AFAP1L2: variants seen among roughly 807,000 people sequenced by gnomAD.
AFAP1L2 encodes the protein actin filament associated protein 1 like 2, also known as actin filament-associated protein 1-like 2.
Under a neutral mutation model 99.3 loss-of-function variants are expected in AFAP1L2, and 46 were observed. The observed-to-expected ratio is 0.46, with a 90% CI of 0.37 to 0.59. The LOEUF (loss-of-function observed/expected upper bound fraction) is 0.59, where lower values mean the gene tolerates loss of function less well. Ranked by LOEUF, AFAP1L2 falls within the 20% of genes least tolerant of loss-of-function variation. The pLI, the probability that AFAP1L2 is intolerant of heterozygous loss-of-function variation, is 0.00. For missense variants in AFAP1L2, 959 were observed against 1,034.9 expected, an observed-to-expected ratio of 0.93 and a Z score of 1.01; for synonymous variants, 397 against 419.1, an observed-to-expected ratio of 0.95 and a Z score of 0.64.
chr10:114,334,460 G>A (rs1045364078), intron 2 of AFAP1L2, among the ~76,000 whole-genome samples: 4 of 152,210 alleles, frequency 2.6e-5, no homozygotes, highest in African/African-American at 7.2e-5. Context: ...AACCTCTGGC[G>A]AAGGAAGCAG....
chr10:114,382,607 T>TTC (rs1243849835), intron 1 of AFAP1L2, among the ~76,000 whole-genome samples: 1 of 149,264 alleles, frequency 6.7e-6, no homozygotes, highest in Non-Finnish European at 1.5e-5. Flanking sequence ...TTTTTTTTTT[T>TTC]TTTGAGACCG....
rs2048698777 is a variant in AFAP1L2, at chr10:114,340,743, A to C, written c.17-12T>G. ...CAGCTGTTCCAGGGCTAGGGACAGG[A>C]AACAGAAGAAACTTATAGTGGCTGC... On this transcript the variant is annotated splice_polypyrimidine_tract_variant and intron_variant, in intron 1 of 18. Coordinates refer to ENST00000304129, the MANE Select transcript of AFAP1L2 (RefSeq NM_001001936.3). 6.2e-7 allele frequency: 1 copy of C among 1,614,028 alleles called. No homozygotes were observed. The highest frequency in any genetic ancestry group is 1.1e-5 in the South Asian group (1 of 91,076).
At chr10:114,290,148 C>G, downstream of AFAP1L2, 1 of 1,491,192 alleles carries the variant, frequency 6.7e-7, no homozygotes, top group South Asian at 1.3e-5. Context: ...ACTCTAGTAG[C>G]CTTGCACCTC....
At chr10:114,356,512 T>A (rs2051412176) in intron 1 of AFAP1L2, among the ~76,000 whole-genome samples, 1 of 152,262 alleles carries the variant, frequency 6.6e-6, no homozygotes, top group Non-Finnish European at 1.5e-5. Context: ...CTTCATCTAT[T>A]TTTCATGTTT....
At chr10:114,341,161 C>A (rs1161277920) in intron 1 of AFAP1L2, among the ~76,000 whole-genome samples, 1 of 152,236 alleles carries the variant, frequency 6.6e-6, no homozygotes, top group Non-Finnish European at 1.5e-5. Context: ...CATCTTGATC[C>A]TCTCCGGGTG....
intron 4 of AFAP1L2, among the ~76,000 whole-genome samples, chr10:114,325,124 C>T (rs2046055712): frequency 6.6e-6 from 1 of 152,208 alleles, no homozygotes; most frequent in South Asian, 2.1e-4. Flanking sequence ...TTCAGGACCT[C>T]ATAGATTTAA....
Position 114,301,403 on chromosome 10 carries a change from C to G in AFAP1L2, c.1493G>C (p.Arg498Pro). 1 of 1,614,228 alleles carries G rather than the reference C, an allele frequency of 6.2e-7. No individual in the cohort carries two copies. Among genetic ancestry groups the G allele is most frequent in the Non-Finnish European group, 8.5e-7 (1 of 1,180,024 alleles). The stretch of plus-strand genomic sequence containing the variant: ...CACGTCGTCATACAGCTCCTCCTGG[C>G]GGTCCTGGCTAGGCAGGCCATCGAT... Reference protein sequence around the residue: ...TYIDGLPSQDRQEELYDDVDL... With the variant: ...TYIDGLPSQDPQEELYDDVDL... The change falls in exon 13 of 19, where the codon CGC becomes CCC. Residue 498 changes from arginine (R) to proline (P), a missense_variant. Around this residue, in one of 2 missense-constraint regions of AFAP1L2, gnomAD observed 576 missense variants for 562.1 expected, o/e 1.02. Coordinates refer to ENST00000304129, the MANE Select transcript of AFAP1L2 (RefSeq NM_001001936.3).
At chr10:114,333,346 G>C in intron 2 of AFAP1L2, 51 bp from the exon 3 acceptor site, 1 of 1,470,116 alleles carries the variant, frequency 6.8e-7, no homozygotes, top group Non-Finnish European at 9.5e-7. Context: ...AAGAGAAAGG[G>C]CCTCCAGCTA....
At chr10:114,348,672 G>C (rs2049979964) in intron 1 of AFAP1L2, among the ~76,000 whole-genome samples, 2 of 152,170 alleles carry the variant, frequency 1.3e-5, no homozygotes, top group East Asian at 3.8e-4. Context: ...GCAATGTGTA[G>C]CCACTCAGAG....
chr10:114,302,478 A>T lies in AFAP1L2; in HGVS notation c.1291T>A (p.Ser431Thr). The T allele has an allele frequency of 1.9e-6, 3 of 1,613,958 alleles. No homozygotes were observed. The highest frequency in any genetic ancestry group is 2.2e-5 in the South Asian group (2 of 91,072). ...AGCCAGTGGCCCATTTCCTCGGAAG[A>T]CTTGGCCTGGAACGAGGCCAAGAGA... ...GEELAKLEAK[S>T]SEEMGHWLGL... The change falls in exon 12 of 19, where the codon TCT becomes ACT. Residue 431 changes from serine (S) to threonine (T), a missense_variant. Transcript: ENST00000304129.
At chr10:114,369,653 G>GAATAA (rs2053843596) in intron 1 of AFAP1L2, among the ~76,000 whole-genome samples, 1 of 148,930 alleles carries the variant, frequency 6.7e-6, no homozygotes, top group Admixed American at 6.7e-5. Flanking sequence ...ACGAAGTAGA[G>GAATAA]AATAATAAAA....
rs1046583885 is a variant in AFAP1L2, at chr10:114,393,020, C to T, written c.16+11420G>A. Among the ~76,000 whole-genome samples, 6 of 152,258 alleles carry T rather than the reference C, an allele frequency of 3.9e-5. No individual in the cohort carries two copies. The East Asian group carries it at 5.8e-4, about 15-fold the overall frequency. ...ATCCCACATCTCCTTTCCCCCAACACGCATGTGCCCCTATCATACCTGATA... is the reference window on the plus strand; with the variant it reads ...ATCCCACATCTCCTTTCCCCCAACATGCATGTGCCCCTATCATACCTGATA... On this transcript the variant is annotated intron_variant, in intron 1 of 18. Transcript: ENST00000304129.
intron 13 of AFAP1L2, 32 bp from the exon 14 acceptor site, chr10:114,300,722 C>T (rs1564787729): frequency 6.4e-7 from 1 of 1,555,110 alleles, no homozygotes; most frequent in Non-Finnish European, 8.7e-7. Context: ...GGGCATTCAA[C>T]ATTACCTCTA....
chr10:114,353,390 G>T lies in AFAP1L2; in HGVS notation c.17-12659C>A, dbSNP rs1195263596. ...GCACCCTATTTGTTTGTTTAAGCCA[G>T]CCTGAATTAGGTTTCTTTTGCTTGC... On this transcript the variant is annotated intron_variant, in intron 1 of 18. Transcript: ENST00000304129. Among the ~76,000 whole-genome samples the T allele has an allele frequency of 2.0e-5, 3 of 152,236 alleles. No homozygotes were observed. The East Asian group carries it at 5.8e-4, about 29-fold the overall frequency.
chr10:114,363,421 T>A (rs1465463694), intron 1 of AFAP1L2, among the ~76,000 whole-genome samples: 1 of 152,180 alleles, frequency 6.6e-6, no homozygotes, highest in Non-Finnish European at 1.5e-5. Context: ...GCTGAGCCCT[T>A]GCTCTCTGAT....
chr10:114,295,796 A>T lies in AFAP1L2; in HGVS notation c.*246T>A, dbSNP rs1338781772. ...AGAAAGAAACACAGAACATCCCTAAATACAACGTCTTGTTTACATCCAATA... is the reference window on the plus strand; with the variant it reads ...AGAAAGAAACACAGAACATCCCTAATTACAACGTCTTGTTTACATCCAATA... On this transcript the variant is annotated 3_prime_UTR_variant, in exon 19 of 19. Transcript: ENST00000304129. 1 of 1,290,846 alleles carries T rather than the reference A, an allele frequency of 7.7e-7. No individual in the cohort carries two copies. Among genetic ancestry groups the T allele is most frequent in the Non-Finnish European group, 9.8e-7 (1 of 1,018,334 alleles). The allele number at this position is 1,290,846 out of a possible 1,614,324, so 80.0% of individuals were successfully genotyped here.
At chr10:114,361,384 A>G (rs2052386530) in intron 1 of AFAP1L2, among the ~76,000 whole-genome samples, 1 of 152,176 alleles carries the variant, frequency 6.6e-6, no homozygotes, top group African/African-American at 2.4e-5. Context: ...CATTCCTGTA[A>G]TGCCTTAACC....
At chr10:114,282,840 C>G in the AFAP1L2 span, among the ~76,000 whole-genome samples, 1 of 152,166 alleles carries the variant, frequency 6.6e-6, no homozygotes, top group African/African-American at 2.4e-5. Context: ...CACCGAGCAC[C>G]AGCTTTGCAG....
At chr10:114,391,182 CA>C (rs992744910) in intron 1 of AFAP1L2, among the ~76,000 whole-genome samples, 2 of 152,078 alleles carry the variant, frequency 1.3e-5, no homozygotes, top group African/African-American at 4.8e-5. Context: ...AACCTGAGGA[CA>C]GCAAACATTT....
Sources: allele counts gnomAD v4.1 joint callset (sites outside exome capture counted in the v4.1 genomes callset), GRCh38; gene constraint gnomAD v4.1.1; regional missense constraint gnomAD v4.1.1; transcripts MANE v1.5; gene names NCBI Gene and HGNC (gene_info 2026-07-23, HGNC 2026-07-21).